RBM20: variants seen among roughly 807,000 people sequenced by gnomAD.
The protein encoded by RBM20 is RNA binding motif protein 20, also known as RNA-binding protein 20.
In RBM20, 51 loss-of-function variants were observed where a neutral mutation model predicts 110.1. That is an observed-to-expected ratio of 0.46 (90% CI 0.37 to 0.59). The LOEUF (loss-of-function observed/expected upper bound fraction) is 0.59, where lower values mean the gene tolerates loss of function less well. Among genes scored for constraint, RBM20 ranks in the 20% least tolerant of loss-of-function variants. The probability of loss-of-function intolerance (pLI) is 0.00; values close to 1 mark genes in which losing one functional copy is unlikely to be tolerated. For synonymous variants in RBM20, 589 were observed against 618.2 expected (o/e 0.95, Z 0.70); for missense variants, 1,512 against 1,574.9 (o/e 0.96, Z 0.68).
At chr10:110,701,390 T>C (rs1249089749) in intron 1 of RBM20, among the ~76,000 whole-genome samples, 2 of 152,184 alleles carry the variant, frequency 1.3e-5, no homozygotes, top group African/African-American at 4.8e-5. Flanking sequence ...TCCCTGGTAC[T>C]GATTCTCCTT....
chr10:110,781,347 T>G lies in RBM20; in HGVS notation c.738T>G (p.Gly246=). 6.4e-7 allele frequency: 1 copy of G among 1,551,708 alleles called. No individual in the cohort carries two copies. Among genetic ancestry groups the G allele is most frequent in the Non-Finnish European group, 8.7e-7 (1 of 1,146,998 alleles). Residue 246 remains glycine, a synonymous_variant, in exon 2 of 14, where the codon GGT becomes GGG. Transcript: ENST00000369519. ...AGACATATGGCCCTGAAACAGATGG[T>G]CAGCCTGGCTTCCTGCCATCCTCGG... is the stretch of plus-strand genomic sequence containing the variant. ...SGQTYGPETD[G]QPGFLPSSAS...
intron 1 of RBM20, among the ~76,000 whole-genome samples, chr10:110,776,127 T>A (rs1157353180): frequency 6.6e-6 from 1 of 152,200 alleles, no homozygotes; most frequent in Non-Finnish European, 1.5e-5. Flanking sequence ...TGAGACACGT[T>A]GCTTGGGCCC....
intron 1 of RBM20, among the ~76,000 whole-genome samples, chr10:110,654,802 C>T (rs1200037227): frequency 6.6e-6 from 1 of 152,202 alleles, no homozygotes; most frequent in Non-Finnish European, 1.5e-5. Flanking sequence ...AGCTTTGCCA[C>T]TACTAACCCT....
intron 1 of RBM20, among the ~76,000 whole-genome samples, chr10:110,658,667 C>T (rs992026404): frequency 6.6e-6 from 1 of 152,060 alleles, no homozygotes; most frequent in African/African-American, 2.4e-5. Context: ...ACAGTCTTGA[C>T]CTTGTCCTCT....
intron 1 of RBM20, among the ~76,000 whole-genome samples, chr10:110,659,874 T>C (rs1468998566): frequency 6.6e-6 from 1 of 151,654 alleles, no homozygotes; most frequent in Admixed American, 6.6e-5. Flanking sequence ...TTTAATTTTT[T>C]TTTTGACAGG....
chr10:110,694,814 C>T (rs931029219), intron 1 of RBM20, among the ~76,000 whole-genome samples: 4 of 152,116 alleles, frequency 2.6e-5, no homozygotes, highest in Non-Finnish European at 2.9e-5. Flanking sequence ...AGCTGACTGA[C>T]GTTTAACTCC....
intron 1 of RBM20, among the ~76,000 whole-genome samples, chr10:110,716,522 A>G (rs758900127): frequency 1.2e-4 from 19 of 152,222 alleles, no homozygotes; most frequent in Non-Finnish European, 1.2e-4. Flanking sequence ...TTATGTCCTA[A>G]CTTGGAGTCA....
In RBM20 at chr10:110,781,427, A is replaced by G. The variant is rs1223706239; in HGVS notation, c.818A>G (p.Asp273Gly). 1.3e-6 allele frequency: 2 copies of G among 1,551,532 alleles called. No individual in the cohort carries two copies. Among genetic ancestry groups the G allele is most frequent in the African/African-American group, 1.4e-5 (1 of 73,070 alleles). Residue 273 changes from aspartate (D) to glycine (G), a missense_variant, in exon 2 of 14, where the codon GAT (aspartate) becomes GGT (glycine). By Grantham distance (94) the Asp-to-Gly change is moderately conservative (BLOSUM62 -1). Coordinates refer to ENST00000369519, the MANE Select transcript of RBM20 (RefSeq NM_001134363.3). ...YEGHYSHTGQDGQAAFSKDFY... is the reference protein window; with the variant it reads ...YEGHYSHTGQGGQAAFSKDFY... ...GGGCACTACAGCCACACAGGGCAGG[A>G]TGGTCAAGCTGCCTTTTCCAAAGAT...
intron 9 of RBM20, among the ~76,000 whole-genome samples, chr10:110,813,252 A>G (rs1025415761): frequency 6.6e-6 from 1 of 152,148 alleles, no homozygotes; most frequent in African/African-American, 2.4e-5. Context: ...TACCAAGGAG[A>G]TCTGGCCCCA....
chr10:110,646,141 T>A (rs1334142619), intron 1 of RBM20, among the ~76,000 whole-genome samples: 1 of 152,214 alleles, frequency 6.6e-6, no homozygotes, highest in Non-Finnish European at 1.5e-5. Context: ...GAAATCAGGC[T>A]GCATATGAAG....
At chr10:110,703,811 T>C (rs919679148) in intron 1 of RBM20, among the ~76,000 whole-genome samples, 2 of 152,180 alleles carry the variant, frequency 1.3e-5, no homozygotes, top group African/African-American at 4.8e-5. Flanking sequence ...GTTTTTAAAA[T>C]GTTATATAAA....
At position 110,781,454 on chromosome 10, in the gene RBM20, TTTACGGAC is replaced by T; in HGVS notation, c.846_853del (p.Tyr283GlnfsTer14). ...GGTCAAGCTGCCTTTTCCAAAGATT[TTTACGGAC>T]CCAACTCCCAAGGTTCACATGTGGC... On this transcript the variant is annotated frameshift_variant, in exon 2 of 14. Coordinates refer to ENST00000369519, the MANE Select transcript of RBM20 (RefSeq NM_001134363.3). LOFTEE classifies it high-confidence loss of function. The T allele has an allele frequency of 6.4e-7, 1 of 1,551,572 alleles. No individual in the cohort carries two copies. Among genetic ancestry groups the T allele is most frequent in the Non-Finnish European group, 8.7e-7 (1 of 1,147,004 alleles).
chr10:110,729,270 A>G (rs979094818), intron 1 of RBM20, among the ~76,000 whole-genome samples: 1 of 152,194 alleles, frequency 6.6e-6, no homozygotes, highest in Admixed American at 6.5e-5. Context: ...AATAGTCAAT[A>G]AAATAATATG....
intron 1 of RBM20, among the ~76,000 whole-genome samples, chr10:110,703,000 T>C (rs1217035242): frequency 3.4e-5 from 5 of 147,450 alleles, no homozygotes; most frequent in African/African-American, 4.9e-5. Context: ...TGTTTTTTTT[T>C]TTGTTTTTTT....
At chr10:110,728,131 T>C (rs188461819) in intron 1 of RBM20, among the ~76,000 whole-genome samples, 5 of 152,356 alleles carry the variant, frequency 3.3e-5, no homozygotes, top group African/African-American at 9.6e-5. Flanking sequence ...TGTGTCTTTA[T>C]AGTAAAATGA....
intron 1 of RBM20, among the ~76,000 whole-genome samples, chr10:110,771,630 T>C (rs1435813054): frequency 1.3e-5 from 2 of 152,180 alleles, no homozygotes; most frequent in Non-Finnish European, 2.9e-5. Context: ...AGAAGGGCAT[T>C]CTGAAGATCA....
chr10:110,822,390 G>A, intron 11 of RBM20: 1 of 459,398 alleles, frequency 2.2e-6, no homozygotes, highest in Non-Finnish European at 4.4e-6. Flanking sequence ...GGGTACAGCT[G>A]TTCCCCTTCT....
intron 1 of RBM20, among the ~76,000 whole-genome samples, chr10:110,714,097 G>A (rs980575267): frequency 2.0e-5 from 3 of 152,138 alleles, no homozygotes; most frequent in Non-Finnish European, 4.4e-5. Context: ...TTCTGAAGAT[G>A]GGCTATGGGA....
At position 110,644,542 on chromosome 10, in the gene RBM20, C is replaced by T. The variant is rs1377317350; in HGVS notation, c.88C>T (p.Arg30Trp). The T allele has an allele frequency of 6.5e-7, 1 of 1,527,428 alleles. No homozygotes were observed. The allele number at this position is 1,527,428 out of a possible 1,614,324, so 94.6% of individuals were successfully genotyped here. The change falls in exon 1 of 14, where the codon CGG becomes TGG. Residue 30 changes from arginine to tryptophan, a missense_variant. By Grantham distance (101) the Arg-to-Trp change is moderately radical (BLOSUM62 -3). Around this residue, in one of 3 missense-constraint regions of RBM20, gnomAD observed 1,149 missense variants for 1,169.4 expected, o/e 0.98. Transcript: ENST00000369519. The surrounding 1 kb of genome is among the most constrained non-coding windows in gnomAD (Gnocchi z 4.3). Reference protein sequence around the residue: ...DRVACSVPGARASPAPSGPRG... With the variant: ...DRVACSVPGAWASPAPSGPRG... Reference sequence around the variant, plus strand: ...AGTTGCCTGCAGTGTGCCTGGTGCCCGGGCGTCCCCGGCACCCTCCGGCCC... The same window carrying T: ...AGTTGCCTGCAGTGTGCCTGGTGCCTGGGCGTCCCCGGCACCCTCCGGCCC...
Sources: gnomAD v4.1 joint callset for allele counts (sites outside exome capture counted in the v4.1 genomes callset) on GRCh38, gnomAD v4.1.1 for gene constraint, gnomAD v4.1.1 regional missense constraint, Gnocchi (gnomAD v3.1) non-coding constraint, MANE v1.5 for transcripts, NCBI Gene and HGNC (gene_info 2026-07-23, HGNC 2026-07-21) for gene names.